Variants in POFUT3 observed in about 807,000 individuals in gnomAD.
The protein encoded by POFUT3 is protein O-fucosyltransferase 3.
the POFUT3 span, among the ~76,000 whole-genome samples, chr8:33,369,395 G>A: frequency 3.9e-5 from 6 of 152,092 alleles, no homozygotes; most frequent in African/African-American, 1.2e-4. Context: ...CAAGATATAT[G>A]CTGATATTAG....
chr8:33,331,970 C>T, the POFUT3 span, among the ~76,000 whole-genome samples: 750 of 151,844 alleles, frequency 4.9e-3, 8 homozygotes, highest in African/African-American at 0.017. Flanking sequence ...CCACCGCGCC[C>T]GGCCTCTAAA....
At chr8:33,460,072 C>T in the POFUT3 span, among the ~76,000 whole-genome samples, 1 of 152,152 alleles carries the variant, frequency 6.6e-6, no homozygotes, top group African/African-American at 2.4e-5. Context: ...AGCCTGTAAT[C>T]CCAGCTACTT....
chr8:33,320,014 C>G, the POFUT3 span, among the ~76,000 whole-genome samples: 1 of 151,288 alleles, frequency 6.6e-6, no homozygotes, highest in African/African-American at 2.4e-5. Flanking sequence ...CTATACCATC[C>G]TCTGCTTATA....
At chr8:33,323,096 G>A in the POFUT3 span, among the ~76,000 whole-genome samples, 1 of 152,108 alleles carries the variant, frequency 6.6e-6, no homozygotes, top group Admixed American at 6.6e-5. Context: ...CGCTTGCAAG[G>A]AAACAGGAGC....
the POFUT3 span, among the ~76,000 whole-genome samples, chr8:33,395,208 C>T: frequency 1.3e-5 from 2 of 152,132 alleles, no homozygotes; most frequent in Non-Finnish European, 2.9e-5. Flanking sequence ...ACCCTCGGCC[C>T]TAAATGAGAA....
the POFUT3 span, among the ~76,000 whole-genome samples, chr8:33,443,584 C>A: frequency 6.6e-6 from 1 of 152,166 alleles, no homozygotes; most frequent in African/African-American, 2.4e-5. Flanking sequence ...CCTCTGCCTC[C>A]CGGGTTCAAG....
At chr8:33,340,398 A>ATG in the POFUT3 span, among the ~76,000 whole-genome samples, 2 of 150,590 alleles carry the variant, frequency 1.3e-5, no homozygotes, top group African/African-American at 2.5e-5. Context: ...ATATATATAC[A>ATG]TGTGTGTGTG....
chr8:33,391,612 A>G, the POFUT3 span, among the ~76,000 whole-genome samples: 1 of 152,234 alleles, frequency 6.6e-6, no homozygotes, highest in Non-Finnish European at 1.5e-5. Flanking sequence ...GCTGGCTGAG[A>G]GGCCAATGAT....
At chr8:33,331,693 T>C in the POFUT3 span, among the ~76,000 whole-genome samples, 748 of 147,444 alleles carry the variant, frequency 5.1e-3, 8 homozygotes, top group African/African-American at 0.019. Flanking sequence ...TGTTGTTTTT[T>C]GAGACGGAGT....
At chr8:33,367,850 C>T in the POFUT3 span, among the ~76,000 whole-genome samples, 1 of 152,010 alleles carries the variant, frequency 6.6e-6, no homozygotes, top group African/African-American at 2.4e-5. Flanking sequence ...TTACCCCCTA[C>T]ATACAGTAAT....
At chr8:33,446,986 CAAAG>C in the POFUT3 span, among the ~76,000 whole-genome samples, 4 of 152,164 alleles carry the variant, frequency 2.6e-5, no homozygotes, top group Non-Finnish European at 5.9e-5. Flanking sequence ...TCCTCTGAAA[CAAAG>C]GAAGCATCGA....
At chr8:33,369,202 G>C in the POFUT3 span, among the ~76,000 whole-genome samples, 1 of 152,116 alleles carries the variant, frequency 6.6e-6, no homozygotes, top group Non-Finnish European at 1.5e-5. Context: ...CAAGGAGGTT[G>C]GATATTATAA....
chr8:33,440,670 GT>G, the POFUT3 span, among the ~76,000 whole-genome samples: 7,174 of 152,218 alleles, frequency 0.047, 274 homozygotes, highest in African/African-American at 0.1. Context: ...AAACCATCAA[GT>G]TAGTCCAATG....
chr8:33,386,188 CAAAAAAAAAA>C, the POFUT3 span, among the ~76,000 whole-genome samples: 14 of 32,046 alleles, frequency 4.4e-4, no homozygotes, highest in East Asian at 0.016. Flanking sequence ...GGCTCCATCT[CAAAAAAAAAA>C]AAAAAAAAAA....
At chr8:33,341,533 A>C in the POFUT3 span, among the ~76,000 whole-genome samples, 1 of 152,190 alleles carries the variant, frequency 6.6e-6, no homozygotes, top group African/African-American at 2.4e-5. Flanking sequence ...GCTCTAAAGA[A>C]ATAGAAAATA....
the POFUT3 span, among the ~76,000 whole-genome samples, chr8:33,387,229 G>T: frequency 3.8e-3 from 583 of 152,084 alleles, 5 homozygotes; most frequent in African/African-American, 0.013. Context: ...TCATGTTGTG[G>T]ACCAAGACAG....
the POFUT3 span, chr8:33,388,956 T>A: frequency 6.2e-7 from 1 of 1,612,278 alleles, no homozygotes; most frequent in African/African-American, 1.3e-5. Context: ...ACCTTTGATT[T>A]GCTTACCTTT....
At chr8:33,459,591 C>A in the POFUT3 span, among the ~76,000 whole-genome samples, 1 of 150,000 alleles carries the variant, frequency 6.7e-6, no homozygotes, top group African/African-American at 2.5e-5. Context: ...TGCAGTGAGC[C>A]GAGATCATGC....
At chr8:33,389,296 G>A in the POFUT3 span, 7 of 1,614,034 alleles carry the variant, frequency 4.3e-6, no homozygotes, top group Admixed American at 1.7e-5. Context: ...GTGGCCTCCA[G>A]AACTTCTCAG....
Sources: gnomAD v4.1 joint callset for allele counts (sites outside exome capture counted in the v4.1 genomes callset) on GRCh38, gnomAD v4.1.1 for gene constraint, MANE v1.5 for transcripts, NCBI Gene and HGNC (gene_info 2026-07-23, HGNC 2026-07-21) for gene names.